Variants in ARHGEF18 observed in about 807,000 individuals in gnomAD.
ARHGEF18 encodes Rho/Rac guanine nucleotide exchange factor 18.
In ARHGEF18, 93 loss-of-function variants were observed where a neutral mutation model predicts 155.7. The observed-to-expected ratio is 0.60, with a 90% confidence interval of 0.50 to 0.71. The LOEUF (loss-of-function observed/expected upper bound fraction) is 0.71, where lower values mean the gene tolerates loss of function less well. Among genes scored for constraint, ARHGEF18 ranks in the 30% least tolerant of loss-of-function variants. The probability of loss-of-function intolerance (pLI) is 0.00; values close to 1 mark genes in which losing one functional copy is unlikely to be tolerated. For synonymous variants in ARHGEF18, 742 were observed against 753.1 expected (o/e 0.99, Z 0.24); for missense variants, 1,593 against 1,816.1 (o/e 0.88, Z 2.23).
chr19:7,462,435 C>T lies in ARHGEF18; in HGVS notation c.2635+101C>T. The T allele has an allele frequency of 2.2e-6, 3 of 1,346,242 alleles. No individual in the cohort carries two copies. The highest frequency in any genetic ancestry group is 2.9e-6 in the Non-Finnish European group (3 of 1,020,898). The allele number at this position is 1,346,242 out of a possible 1,614,324, so 83.4% of individuals were successfully genotyped here. On this transcript the variant is annotated intron_variant, in intron 21 of 28. Coordinates refer to ENST00000668164, the MANE Select transcript of ARHGEF18 (RefSeq NM_001367823.1). This position sits in a 1 kb window ranked among gnomAD's most constrained non-coding sequence, Gnocchi z 4.4. ...CGGCTCATTGTGGCCGACACGGCAC[C>T]CTGTCCAGGACAGGCTTCTATGTGG... is the stretch of plus-strand genomic sequence containing the variant.
In ARHGEF18 at chr19:7,447,103, A is replaced by G; in HGVS notation, c.1672A>G (p.Asn558Asp). The G allele has an allele frequency of 1.2e-6, 2 of 1,613,990 alleles. No individual in the cohort carries two copies. Among genetic ancestry groups the G allele is most frequent in the Non-Finnish European group, 1.7e-6 (2 of 1,179,976 alleles). The change falls in exon 15 of 29, where the codon AAT (asparagine) becomes GAT (aspartate). Residue 558 changes from asparagine (N) to aspartate (D), a missense_variant. Asn to Asp is a conservative substitution (Grantham distance 23). Coordinates refer to ENST00000668164, the MANE Select transcript of ARHGEF18 (RefSeq NM_001367823.1). ...EKYGVFCSGH[N>D]EAVSHYKLLL... ...GTACGGTGTGTTTTGTAGTGGCCAC[A>G]ATGAAGCTGTTAGTCATTACAAGTT...
downstream of ARHGEF18, among the ~76,000 whole-genome samples, chr19:7,475,830 C>CAGG (rs1342874873): frequency 6.6e-6 from 1 of 152,208 alleles, no homozygotes; most frequent in East Asian, 1.9e-4. Context: ...CCTAATCATG[C>CAGG]AGGTGCTGCT....
intron 10 of ARHGEF18, among the ~76,000 whole-genome samples, chr19:7,384,457 G>A (rs1254579626): frequency 2.6e-5 from 4 of 152,234 alleles, no homozygotes; most frequent in African/African-American, 9.6e-5. Flanking sequence ...TGAGCAACGT[G>A]CCTTGCAGGT....
intron 10 of ARHGEF18, among the ~76,000 whole-genome samples, chr19:7,401,897 A>G (rs1396551447): frequency 6.6e-6 from 1 of 152,222 alleles, no homozygotes; most frequent in African/African-American, 2.4e-5. Context: ...TTACTTGGCC[A>G]TGAAAAAGAA....
Position 7,440,473 on chromosome 19 carries a change from C to T in ARHGEF18, c.1097C>T (p.Thr366Met). 1.3e-6 allele frequency: 2 copies of T among 1,597,642 alleles called. No individual in the cohort carries two copies. Among genetic ancestry groups the T allele is most frequent in the Non-Finnish European group, 1.7e-6 (2 of 1,178,660 alleles). Residue 366 changes from threonine to methionine, a missense_variant, in exon 11 of 29, where the codon ACG (threonine) becomes ATG (methionine). Coordinates refer to ENST00000668164, the MANE Select transcript of ARHGEF18 (RefSeq NM_001367823.1). This position sits in a 1 kb window ranked among gnomAD's most constrained non-coding sequence, Gnocchi z 5.4. ...ACACCGAGCCCGGCTGGCCCTGGGACGCAACTCGGGTAAGCCAGGGTCCCC... is the reference window on the plus strand; with the variant it reads ...ACACCGAGCCCGGCTGGCCCTGGGATGCAACTCGGGTAAGCCAGGGTCCCC... ...QPTPSPAGPG[T>M]QLGPITGEMD...
At position 7,451,153 on chromosome 19, in the gene ARHGEF18, T is replaced by C. The variant is rs763042128; in HGVS notation, c.1742T>C (p.Ile581Thr). 26 of 1,583,536 alleles carry C rather than the reference T, an allele frequency of 1.6e-5. No homozygotes were observed. The highest frequency in any genetic ancestry group is 2.1e-5 in the Non-Finnish European group (24 of 1,167,848). The change falls in exon 16 of 29, where the codon ATT becomes ACT. Residue 581 changes from isoleucine to threonine, a missense_variant. Ile to Thr is a moderately conservative substitution (Grantham distance 89). Transcript: ENST00000668164. Reference sequence around the variant, plus strand: ...ATCTTGCTTTCTGTTTCCTAGAAAATTGGCAACTTCTCCATCGTGCGGCGG... The same window carrying C: ...ATCTTGCTTTCTGTTTCCTAGAAAACTGGCAACTTCTCCATCGTGCGGCGG... ...NKKFQNLIKK[I>T]GNFSIVRRLG...
At chr19:7,403,312 TCACC>T (rs558683726) in intron 10 of ARHGEF18, among the ~76,000 whole-genome samples, 7 of 152,284 alleles carry the variant, frequency 4.6e-5, no homozygotes, top group Non-Finnish European at 1.0e-4. Context: ...AACATTGTCA[TCACC>T]CACAAGAAAA....
intron 10 of ARHGEF18, among the ~76,000 whole-genome samples, chr19:7,397,972 T>C (rs773004514): frequency 5.3e-5 from 8 of 152,168 alleles, no homozygotes; most frequent in Non-Finnish European, 1.0e-4. Context: ...TGTTAAGCAC[T>C]TTCACCACAA....
chr19:7,399,920 G>T (rs754295387), intron 10 of ARHGEF18, among the ~76,000 whole-genome samples: 1 of 151,732 alleles, frequency 6.6e-6, no homozygotes, highest in African/African-American at 2.4e-5. Flanking sequence ...CTATAGGTGC[G>T]TACCACCGCG....
At chr19:7,384,436 G>A (rs1600246543) in intron 10 of ARHGEF18, among the ~76,000 whole-genome samples, 1 of 152,208 alleles carries the variant, frequency 6.6e-6, no homozygotes, top group African/African-American at 2.4e-5. Flanking sequence ...CACCCCCGGG[G>A]CAAGTGCCTC....
At chr19:7,447,460 A>G (rs1346703914) in intron 15 of ARHGEF18, among the ~76,000 whole-genome samples, 2 of 151,692 alleles carry the variant, frequency 1.3e-5, no homozygotes, top group Admixed American at 6.6e-5. Flanking sequence ...CTGCCACTGC[A>G]CTCGAGCCTG....
downstream of ARHGEF18, among the ~76,000 whole-genome samples, chr19:7,475,275 C>G (rs530478608): frequency 2.6e-5 from 4 of 152,160 alleles, no homozygotes; most frequent in African/African-American, 9.6e-5. Context: ...GGGGTCTGTT[C>G]CCAGCCCCTA....
intron 10 of ARHGEF18, among the ~76,000 whole-genome samples, chr19:7,396,726 G>A (rs917321898): frequency 6.8e-6 from 1 of 148,028 alleles, no homozygotes; most frequent in African/African-American, 2.5e-5. Flanking sequence ...AAAAAAAAAA[G>A]AAGTGTCAGG....
chr19:7,366,660 T>C (rs1165552899), intron 2 of ARHGEF18, among the ~76,000 whole-genome samples: 1 of 152,236 alleles, frequency 6.6e-6, no homozygotes, highest in Admixed American at 6.5e-5. Flanking sequence ...TCTTCTCCAA[T>C]TAGCTCCATG....
At chr19:7,443,420 C>G (rs181651063) in intron 13 of ARHGEF18, among the ~76,000 whole-genome samples, 18 of 152,032 alleles carry the variant, frequency 1.2e-4, no homozygotes, top group African/African-American at 4.1e-4. Context: ...AGGCTAGTCT[C>G]GAACTCCTGA....
Position 7,451,275 on chromosome 19 carries a change from T to A in ARHGEF18, c.1855+9T>A. The A allele has an allele frequency of 6.2e-7, 1 of 1,612,400 alleles. No homozygotes were observed. Among genetic ancestry groups the A allele is most frequent in the South Asian group, 1.1e-5 (1 of 91,008 alleles). On this transcript the variant is annotated intron_variant, in intron 16 of 28. Coordinates refer to ENST00000668164, the MANE Select transcript of ARHGEF18 (RefSeq NM_001367823.1). ...CATCCAGAACACGGAAGGTAGGCCT[T>A]CTCCCCACTGCCCCGCCCGCCCGTG...
intron 10 of ARHGEF18, among the ~76,000 whole-genome samples, chr19:7,427,738 G>C (rs1973743940): frequency 6.6e-6 from 1 of 151,808 alleles, no homozygotes; most frequent in African/African-American, 2.4e-5. Context: ...TTGAGCTCAG[G>C]AATTCAACAC....
chr19:7,431,554 G>A (rs958972951), intron 10 of ARHGEF18, among the ~76,000 whole-genome samples: 5 of 140,058 alleles, frequency 3.6e-5, no homozygotes, highest in Admixed American at 7.4e-5. Context: ...AGTGGCTCAC[G>A]CCTTTAATCC....
At chr19:7,349,507 G>A (rs534031999) in intron 1 of ARHGEF18, among the ~76,000 whole-genome samples, 1 of 152,198 alleles carries the variant, frequency 6.6e-6, no homozygotes, top group Non-Finnish European at 1.5e-5. Flanking sequence ...GCCGGGCGCG[G>A]TGGCTCACAC....
Sources: gnomAD v4.1 joint callset for allele counts (sites outside exome capture counted in the v4.1 genomes callset) on GRCh38, gnomAD v4.1.1 for gene constraint, Gnocchi (gnomAD v3.1) non-coding constraint, MANE v1.5 for transcripts, NCBI Gene and HGNC (gene_info 2026-07-23, HGNC 2026-07-21) for gene names.